The following IL1RAPL2 variants were observed in gnomAD, a reference collection of about 807,000 sequenced individuals.
IL1RAPL2 encodes interleukin 1 receptor accessory protein like 2.
IL1RAPL2 carries 3 observed loss-of-function variants against 44.1 expected under a neutral mutation model. The observed-to-expected ratio is 0.07, with a 90% CI of 0.03 to 0.18. The LOEUF is 0.18. IL1RAPL2 is among the 10% of genes least tolerant of loss of function. IL1RAPL2 has a pLI of 1.00. For synonymous variants in IL1RAPL2, 181 were observed against 178.8 expected, an observed-to-expected ratio of 1.01 and a Z score of -0.10; for missense variants, 391 against 496.4, an observed-to-expected ratio of 0.79 and a Z score of 2.02.
At chrX:105,267,593 G>T (rs773880705) in intron 5 of IL1RAPL2, 52 bp downstream of exon 5, 60 of 977,924 alleles carry the variant, frequency 6.1e-5, no homozygotes, top group Non-Finnish European at 8.2e-5. Flanking sequence ...AGTATAATTT[G>T]GTTTGGGAAG....
intron 6 of IL1RAPL2, among the ~76,000 whole-genome samples, chrX:105,486,396 A>T (rs888723005): frequency 2.7e-5 from 3 of 112,242 alleles, no homozygotes. Context: ...ATTAATAAAC[A>T]TGTTATCAAG....
intron 1 of IL1RAPL2, among the ~76,000 whole-genome samples, chrX:104,612,997 G>T (rs1050409463): frequency 4.5e-5 from 5 of 111,433 alleles, no homozygotes; most frequent in African/African-American, 1.6e-4. Context: ...GTATAGAAAT[G>T]CTACTTATTT....
At chrX:104,675,496 G>T (rs1214995872) in intron 2 of IL1RAPL2, among the ~76,000 whole-genome samples, 10 of 111,222 alleles carry the variant, frequency 9.0e-5, no homozygotes, top group Non-Finnish European at 1.3e-4. Flanking sequence ...TTTTACATTT[G>T]CTGAGGAGAG....
intron 2 of IL1RAPL2, among the ~76,000 whole-genome samples, chrX:105,151,512 T>C (rs1428353944): frequency 9.1e-6 from 1 of 109,865 alleles, no homozygotes; most frequent in African/African-American, 3.3e-5. Context: ...AAGGTTTTTC[T>C]GTTTTTTTTT....
In IL1RAPL2 at chrX:104,714,524, G is replaced by T. The variant is rs771681977; in HGVS notation, c.82+55529G>T. On this transcript the variant is annotated intron_variant, in intron 2 of 10. Coordinates refer to ENST00000372582, the MANE Select transcript of IL1RAPL2 (RefSeq NM_017416.2). ...GCCACCCTGTTAAGTGGTGCCTTTTGCTGTGATTGTAAGTTTCTTGAGGTC... is the reference window on the plus strand; with the variant it reads ...GCCACCCTGTTAAGTGGTGCCTTTTTCTGTGATTGTAAGTTTCTTGAGGTC... Among the ~76,000 whole-genome samples, 5 of 110,932 alleles carry T rather than the reference G, an allele frequency of 4.5e-5. No homozygotes were observed. The South Asian group carries it at 1.5e-3, about 34-fold the overall frequency.
At chrX:105,703,817 A>G (rs2147541505) in intron 6 of IL1RAPL2, among the ~76,000 whole-genome samples, 1 of 112,263 alleles carries the variant, frequency 8.9e-6, no homozygotes, top group African/African-American at 3.2e-5. Context: ...AAACAGCATA[A>G]CCTCACTGTC....
chrX:105,222,366 A>C (rs1399044013), intron 3 of IL1RAPL2, among the ~76,000 whole-genome samples: 6 of 112,519 alleles, frequency 5.3e-5, no homozygotes, highest in Non-Finnish European at 7.5e-5. Flanking sequence ...AAGCATTAAA[A>C]TATTACCTAA....
At chrX:104,764,891 C>G (rs1932530860) in intron 2 of IL1RAPL2, among the ~76,000 whole-genome samples, 1 of 112,152 alleles carries the variant, frequency 8.9e-6, no homozygotes, top group Admixed American at 9.5e-5. Context: ...ATCCTTGCAT[C>G]CCAGGGATAA....
At position 104,859,517 on chromosome X, in the gene IL1RAPL2, C is replaced by T. The variant is rs1407070779; in HGVS notation, c.82+200522C>T. Among the ~76,000 whole-genome samples, 3 of 111,636 alleles carry T rather than the reference C, an allele frequency of 2.7e-5. No homozygotes were observed. The East Asian group carries it at 8.5e-4, about 31-fold the overall frequency. ...ACTTAATATAATGAGACTTACCTGA[C>T]AGGATTTTTGTGTATCCAATGTGAA... On this transcript the variant is annotated intron_variant, in intron 2 of 10. Coordinates refer to ENST00000372582, the MANE Select transcript of IL1RAPL2 (RefSeq NM_017416.2).
intron 2 of IL1RAPL2, among the ~76,000 whole-genome samples, chrX:104,869,683 A>T (rs1340967142): frequency 8.9e-6 from 1 of 112,074 alleles, no homozygotes; most frequent in Non-Finnish European, 1.9e-5. Flanking sequence ...CATTAGGTAT[A>T]TCTCCTATTT....
rs1203323251 is a variant in IL1RAPL2 at position 104,676,118 on chromosome X, A to G, written c.82+17123A>G. Among the ~76,000 whole-genome samples, 4 of 109,608 alleles carry G rather than the reference A, an allele frequency of 3.6e-5. No individual in the cohort carries two copies. The South Asian group carries it at 1.2e-3, about 33-fold the overall frequency. ...ATTTACATTTAAAGTTAATATTGTT[A>G]TGTGTGAATTTGATCCTGTCATTAT... is the stretch of plus-strand genomic sequence containing the variant. On this transcript the variant is annotated intron_variant, in intron 2 of 10. Transcript: ENST00000372582.
At chrX:104,706,429 T>C (rs1931364458) in intron 2 of IL1RAPL2, among the ~76,000 whole-genome samples, 1 of 112,027 alleles carries the variant, frequency 8.9e-6, no homozygotes, top group African/African-American at 3.2e-5. Context: ...GAAGTAATTG[T>C]AGAAGACTAC....
chrX:105,627,881 T>C (rs1423458588), intron 6 of IL1RAPL2, among the ~76,000 whole-genome samples: 2 of 111,972 alleles, frequency 1.8e-5, no homozygotes, highest in Non-Finnish European at 3.8e-5. Flanking sequence ...TCTTTGGCCA[T>C]TCTACATATG....
At chrX:104,924,501 A>G (rs1924728206) in intron 2 of IL1RAPL2, among the ~76,000 whole-genome samples, 1 of 112,139 alleles carries the variant, frequency 8.9e-6, no homozygotes, top group Admixed American at 9.5e-5. Context: ...ATCAAGTATC[A>G]TCTTGGACAA....
At chrX:105,196,527 T>C (rs1400063646) in intron 3 of IL1RAPL2, among the ~76,000 whole-genome samples, 2 of 111,421 alleles carry the variant, frequency 1.8e-5, no homozygotes, top group African/African-American at 3.3e-5. Flanking sequence ...AAATCCTTCA[T>C]AGAATTTGCA....
intron 2 of IL1RAPL2, among the ~76,000 whole-genome samples, chrX:104,926,728 T>A (rs888734957): frequency 1.8e-5 from 2 of 112,037 alleles, no homozygotes; most frequent in African/African-American, 3.2e-5. Context: ...AAATCTTTGC[T>A]CATCTTTGAA....
At chrX:104,891,722 C>T (rs985275531) in intron 2 of IL1RAPL2, among the ~76,000 whole-genome samples, 2 of 111,716 alleles carry the variant, frequency 1.8e-5, no homozygotes, top group Non-Finnish European at 3.8e-5. Context: ...TCTAAATATA[C>T]AATCATATCA....
In IL1RAPL2 at chrX:105,090,811, C is replaced by A. The variant is rs182825351; in HGVS notation, c.83-104664C>A. ...CTTTGCTTCTTTCTCATTTCCAAAT[C>A]CAGTACTCTCTCCCAGGTACACTCT... On this transcript the variant is annotated intron_variant, in intron 2 of 10. Transcript: ENST00000372582. 5.3e-5 allele frequency among the ~76,000 whole-genome samples: 6 copies of A among 112,248 alleles called. No individual in the cohort carries two copies. In the East Asian group the frequency reaches 1.7e-3, roughly 32 times the overall value.
intron 6 of IL1RAPL2, among the ~76,000 whole-genome samples, chrX:105,646,869 C>T (rs773280759): frequency 1.5e-4 from 17 of 112,103 alleles, no homozygotes; most frequent in Non-Finnish European, 3.0e-4. Flanking sequence ...AGGACAGGCC[C>T]ATTTCTGGGA....
Sources: gnomAD v4.1 joint callset for allele counts (sites outside exome capture counted in the v4.1 genomes callset) on GRCh38, gnomAD v4.1.1 for gene constraint, MANE v1.5 for transcripts, NCBI Gene and HGNC (gene_info 2026-07-23, HGNC 2026-07-21) for gene names.